IRAG1: variants seen among roughly 807,000 people sequenced by gnomAD.
IRAG1 encodes the protein IP3R-associated cGMP kinase substrate.
A neutral mutation model predicts 106.2 loss-of-function variants in IRAG1; 62 were observed. The observed-to-expected ratio is 0.58, with a 90% confidence interval of 0.48 to 0.72. IRAG1 has a LOEUF of 0.72. IRAG1 is among the 30% of genes least tolerant of loss of function. The pLI is 0.00. For synonymous variants in IRAG1, 462 were observed against 443.9 expected (o/e 1.04, Z -0.51); for missense variants, 1,064 against 1,140.7 (o/e 0.93, Z 0.97).
chr11:10,610,401 A>C (rs950544382), intron 10 of IRAG1, among the ~76,000 whole-genome samples: 1 of 152,260 alleles, frequency 6.6e-6, no homozygotes, highest in East Asian at 1.9e-4. Context: ...AATGCCTCCT[A>C]GTCAACAGAG....
chr11:10,609,732 C>T lies in IRAG1; in HGVS notation c.1567G>A (p.Gly523Arg), dbSNP rs1448281087. The change falls in exon 11 of 21, where the codon GGA becomes AGA. Residue 523 changes from glycine (G) to arginine (R), a missense_variant. Coordinates refer to ENST00000423302, the MANE Select transcript of IRAG1 (RefSeq NM_130385.4). ...TAACCCACATCCTGATTTTACCTTC[C>T]AGGGAGACTCCTGTGGACCCGCAGT... Reference protein sequence around the residue: ...RKLRVHRSLPGSAPPLTEKEV... With the variant: ...RKLRVHRSLPRSAPPLTEKEV... 3.1e-6 allele frequency: 5 copies of T among 1,613,684 alleles called. No individual in the cohort carries two copies. The highest frequency in any genetic ancestry group is 1.7e-4 in the Middle Eastern group (1 of 6,058).
chr11:10,645,266 T>G (rs1157446614), intron 2 of IRAG1, among the ~76,000 whole-genome samples: 1 of 152,218 alleles, frequency 6.6e-6, no homozygotes, highest in Non-Finnish European at 1.5e-5. Flanking sequence ...TTGCATATAA[T>G]GGGGTATTTT....
At chr11:10,680,843 G>T (rs1861197414) in intron 1 of IRAG1, among the ~76,000 whole-genome samples, 1 of 152,068 alleles carries the variant, frequency 6.6e-6, no homozygotes, top group Non-Finnish European at 1.5e-5. Flanking sequence ...ATTCTAATAA[G>T]GTCCTTGGGG....
At chr11:10,627,863 C>CCACCCAG (rs2134587463) in intron 7 of IRAG1, 103 bp from the exon 8 acceptor site, 1 of 1,577,028 alleles carries the variant, frequency 6.3e-7, no homozygotes. Flanking sequence ...TTCATGCCCT[C>CCACCCAG]CACCCAGCAC....
At chr11:10,601,193 T>A (rs777625179) in intron 14 of IRAG1, 134 bp from the exon 15 acceptor site, 14 of 1,259,870 alleles carry the variant, frequency 1.1e-5, no homozygotes, top group Non-Finnish European at 1.5e-5. Context: ...TCTGAAGAGT[T>A]TGCTGTCTGC....
Position 10,659,534 on chromosome 11 carries a change from A to G in IRAG1, c.68-7352T>C. Among the ~76,000 whole-genome samples the G allele has an allele frequency of 6.6e-6, 1 of 151,840 alleles. No individual in the cohort carries two copies. Among genetic ancestry groups the G allele is most frequent in the East Asian group, 1.9e-4 (1 of 5,148 alleles). ...CCTGGGGTTTGCACCTCTGTGGGAA[A>G]CCTTCTTAGGGCCCGATTTTCTCCA... is the stretch of plus-strand genomic sequence containing the variant. On this transcript the variant is annotated intron_variant, in intron 1 of 20. Transcript: ENST00000423302. The surrounding 1 kb of genome is among the most constrained non-coding windows in gnomAD (Gnocchi z 4.1).
At position 10,576,443 on chromosome 11, in the gene IRAG1, G is replaced by C; in HGVS notation, c.2628C>G (p.Asn876Lys). 5 of 1,613,972 alleles carry C rather than the reference G, an allele frequency of 3.1e-6. No homozygotes were observed. The highest frequency in any genetic ancestry group is 4.2e-6 in the Non-Finnish European group (5 of 1,179,880). The change falls in exon 21 of 21, where the codon AAC (asparagine) becomes AAG (lysine). Residue 876 changes from asparagine (N) to lysine (K), a missense_variant. By Grantham distance (94) the Asn-to-Lys change is moderately conservative (BLOSUM62 0). Coordinates refer to ENST00000423302, the MANE Select transcript of IRAG1 (RefSeq NM_130385.4). ...TVVLGLYNSY[N>K]SCAEQADGPL... ...GCCCATCAGCCTGCTCTGCACAAGA[G>C]TTATAGGAATTGTAGAGCCCCAGCA...
At chr11:10,613,131 C>G (rs867660774) in intron 10 of IRAG1, among the ~76,000 whole-genome samples, 1 of 151,626 alleles carries the variant, frequency 6.6e-6, no homozygotes. Context: ...AAGCAGTGAA[C>G]AAAACAAATG....
Position 10,593,580 on chromosome 11 carries a change from A to C in IRAG1, c.2087T>G (p.Val696Gly), listed in dbSNP as rs1477716772. Residue 696 changes from valine to glycine, a missense_variant, in exon 17 of 21, where the codon GTC (valine) becomes GGC (glycine). By Grantham distance (109) the Val-to-Gly change is moderately radical. Transcript: ENST00000423302. ...AAACTTAGGAACCACAGCAACGCTGACCCTCCGGCGAGGCATATTCTGCAG... is the reference window on the plus strand; with the variant it reads ...AAACTTAGGAACCACAGCAACGCTGCCCCTCCGGCGAGGCATATTCTGCAG... ...TLGKNMPRRR[V>G]SVAVVPKFNA... The C allele has an allele frequency of 6.2e-7, 1 of 1,613,634 alleles. No individual in the cohort carries two copies. Among genetic ancestry groups the C allele is most frequent in the Admixed American group, 1.7e-5 (1 of 59,994 alleles).
intron 10 of IRAG1, among the ~76,000 whole-genome samples, chr11:10,611,152 G>C (rs184387337): frequency 3.3e-5 from 5 of 152,306 alleles, no homozygotes; most frequent in African/African-American, 1.2e-4. Context: ...GGTAGGCATG[G>C]ATTCCTTGGT....
At position 10,574,943 on chromosome 11, in the gene IRAG1, G is replaced by C. The variant is rs565528054; in HGVS notation, c.*1389C>G. 6.6e-6 allele frequency: 1 copy of C among 152,128 alleles called. No individual in the cohort carries two copies. The highest frequency in any genetic ancestry group is 1.9e-4 in the East Asian group (1 of 5,200). The allele number at this position is 152,128 out of a possible 1,614,324, so 9.4% of individuals were successfully genotyped here. On this transcript the variant is annotated 3_prime_UTR_variant, in exon 21 of 21. Coordinates refer to ENST00000423302, the MANE Select transcript of IRAG1 (RefSeq NM_130385.4). ...AAATGGGAAGGGTAATATCCACTTCGTATTTTTTTTTCTTTTTCTTCAGGA... is the reference window on the plus strand; with the variant it reads ...AAATGGGAAGGGTAATATCCACTTCCTATTTTTTTTTCTTTTTCTTCAGGA...
At chr11:10,600,851 TC>T in intron 15 of IRAG1, 66 bp downstream of exon 15, 1 of 1,594,386 alleles carries the variant, frequency 6.3e-7, no homozygotes, top group Non-Finnish European at 8.6e-7. Context: ...ACAGCTCTAA[TC>T]CTAGCCAAGA....
chr11:10,656,431 C>T (rs1858932147), intron 1 of IRAG1, among the ~76,000 whole-genome samples: 2 of 152,192 alleles, frequency 1.3e-5, no homozygotes, highest in Admixed American at 1.3e-4. Flanking sequence ...GTATCTGGTG[C>T]AAATCTTCCA....
At chr11:10,675,549 G>A (rs937477550) in intron 1 of IRAG1, among the ~76,000 whole-genome samples, 6 of 152,150 alleles carry the variant, frequency 3.9e-5, no homozygotes, top group Admixed American at 2.6e-4. Context: ...GGTCACCTGA[G>A]GAACCCTGAG....
intron 12 of IRAG1, among the ~76,000 whole-genome samples, chr11:10,605,145 CA>C (rs150701526): frequency 7.4e-4 from 113 of 152,340 alleles, no homozygotes; most frequent in African/African-American, 2.5e-3. Context: ...GCTAAAATTG[CA>C]GCCTGCATGA....
chr11:10,597,370 G>A (rs1479968935), intron 15 of IRAG1, among the ~76,000 whole-genome samples: 1 of 152,176 alleles, frequency 6.6e-6, no homozygotes, highest in Non-Finnish European at 1.5e-5. Flanking sequence ...CTGTCATCCA[G>A]AATGAAGTGC....
intron 1 of IRAG1, among the ~76,000 whole-genome samples, chr11:10,653,153 GGA>G (rs1858658865): frequency 6.6e-6 from 1 of 152,168 alleles, no homozygotes; most frequent in Non-Finnish European, 1.5e-5. Flanking sequence ...TCTGAGTGGT[GGA>G]GTGTGAAGAT....
intron 1 of IRAG1, among the ~76,000 whole-genome samples, chr11:10,676,961 A>G (rs1210054048): frequency 2.0e-5 from 3 of 152,132 alleles, no homozygotes; most frequent in Non-Finnish European, 4.4e-5. Flanking sequence ...CTCGTTCTTC[A>G]GTCTTTTACT....
At chr11:10,680,391 AG>A (rs1861106438) in intron 1 of IRAG1, among the ~76,000 whole-genome samples, 1 of 82,392 alleles carries the variant, frequency 1.2e-5, no homozygotes, top group African/African-American at 7.0e-5. Context: ...GAAGGAAGGA[AG>A]GAAGGAAGGA....
Sources: gnomAD v4.1 joint callset for allele counts (sites outside exome capture counted in the v4.1 genomes callset) on GRCh38, gnomAD v4.1.1 for gene constraint, Gnocchi (gnomAD v3.1) non-coding constraint, MANE v1.5 for transcripts, NCBI Gene and HGNC (gene_info 2026-07-23, HGNC 2026-07-21) for gene names.